ADAM12: variants seen among roughly 807,000 people sequenced by gnomAD.
ADAM12 encodes the protein ADAM metallopeptidase domain 12, also known as disintegrin and metalloproteinase domain-containing protein 12.
A neutral mutation model predicts 106.4 loss-of-function variants in ADAM12; 70 were observed. The observed-to-expected ratio is 0.66, with a 90% CI of 0.54 to 0.80. The LOEUF is 0.80. Among genes scored for constraint, ADAM12 ranks in the 30% least tolerant of loss-of-function variants. The pLI is 0.00. For missense variants in ADAM12, 1,010 were observed against 1,171.9 expected, an observed-to-expected ratio of 0.86 and a Z score of 2.02; for synonymous variants, 420 against 433.5, an observed-to-expected ratio of 0.97 and a Z score of 0.39.
intron 10 of ADAM12, among the ~76,000 whole-genome samples, chr10:126,097,488 GGAGA>G (rs1430647653): frequency 6.6e-6 from 1 of 152,214 alleles, no homozygotes; most frequent in Non-Finnish European, 1.5e-5. Flanking sequence ...GGCAGTAGGT[GGAGA>G]GAAAGTAATC....
At chr10:126,307,514 C>A (rs758533340) in intron 2 of ADAM12, among the ~76,000 whole-genome samples, 1 of 151,914 alleles carries the variant, frequency 6.6e-6, no homozygotes, top group Non-Finnish European at 1.5e-5. Context: ...CAACCACATC[C>A]GACAATTTTT....
rs569342527 is a variant in ADAM12, at chr10:126,232,846, G to A, written c.260+46069C>T. Among the ~76,000 whole-genome samples, 17 of 152,218 alleles carry A rather than the reference G, an allele frequency of 1.1e-4. No individual in the cohort carries two copies. The South Asian group carries it at 3.3e-3, about 30-fold the overall frequency. On this transcript the variant is annotated intron_variant, in intron 3 of 22. Coordinates refer to ENST00000448723, the MANE Select transcript of ADAM12 (RefSeq NM_001288973.2). The stretch of plus-strand genomic sequence containing the variant: ...GTGGTAGGACTAGGGAGGAAGATAA[G>A]GAATATTAAAAATATTTAGAACAGA...
chr10:126,038,952 CTTTTTTTTTTTTTTT>C (rs34277276), intron 19 of ADAM12, among the ~76,000 whole-genome samples: 3 of 71,542 alleles, frequency 4.2e-5, no homozygotes, highest in African/African-American at 1.6e-4. Flanking sequence ...GACACCATTT[CTTTTTTTTTTTTTTT>C]TTTTTTTTTT....
intron 1 of ADAM12, among the ~76,000 whole-genome samples, chr10:126,381,554 G>A (rs377168697): frequency 1.2e-3 from 188 of 152,210 alleles, no homozygotes; most frequent in African/African-American, 4.5e-3. Flanking sequence ...GGAGTACAGT[G>A]GCACGATCTC....
intron 12 of ADAM12, among the ~76,000 whole-genome samples, chr10:126,068,234 A>G (rs1278227109): frequency 6.6e-6 from 1 of 152,224 alleles, no homozygotes; most frequent in South Asian, 2.1e-4. Flanking sequence ...TTTTTAAATC[A>G]GTGTCATCAA....
chr10:126,339,632 T>A (rs575509536), intron 1 of ADAM12, among the ~76,000 whole-genome samples: 1 of 152,104 alleles, frequency 6.6e-6, no homozygotes, highest in African/African-American at 2.4e-5. Flanking sequence ...AGGTTTCTCA[T>A]CAAGAGAACA....
chr10:126,157,298 C>T (rs1956837293), intron 3 of ADAM12, among the ~76,000 whole-genome samples: 1 of 152,210 alleles, frequency 6.6e-6, no homozygotes, highest in African/African-American at 2.4e-5. Context: ...ATGGGGCCTG[C>T]TCCGCCTCTC....
chr10:126,032,638 T>G (rs944592100), intron 21 of ADAM12, among the ~76,000 whole-genome samples: 1 of 152,108 alleles, frequency 6.6e-6, no homozygotes, highest in Non-Finnish European at 1.5e-5. Flanking sequence ...AATAAAAAAG[T>G]TCAGGATGAG....
chr10:126,346,724 T>C (rs1379174812), intron 1 of ADAM12, among the ~76,000 whole-genome samples: 1 of 152,220 alleles, frequency 6.6e-6, no homozygotes. Flanking sequence ...GGTGCATATA[T>C]ATTTAGGATA....
chr10:126,324,294 G>A (rs1444406360), intron 2 of ADAM12, among the ~76,000 whole-genome samples: 1 of 152,240 alleles, frequency 6.6e-6, no homozygotes, highest in Non-Finnish European at 1.5e-5. Flanking sequence ...CTTCAAGAAT[G>A]AGTAGGACTG....
chr10:126,361,264 T>C (rs1564755405), intron 1 of ADAM12, among the ~76,000 whole-genome samples: 2 of 152,152 alleles, frequency 1.3e-5, no homozygotes, highest in African/African-American at 4.8e-5. Context: ...TTGAAAATTA[T>C]AAAATGTTAA....
At chr10:126,381,974 C>CAAA (rs11299278) in intron 1 of ADAM12, among the ~76,000 whole-genome samples, 3 of 139,158 alleles carry the variant, frequency 2.2e-5, no homozygotes, top group Non-Finnish European at 4.7e-5. Context: ...GACCCTGTCT[C>CAAA]AAAAAAAAAA....
intron 3 of ADAM12, among the ~76,000 whole-genome samples, chr10:126,213,056 G>T (rs2133839823): frequency 6.6e-6 from 1 of 152,188 alleles, no homozygotes; most frequent in South Asian, 2.1e-4. Context: ...AGCTCTACAA[G>T]ACTCACATTT....
chr10:126,228,959 G>A (rs1238454952), intron 3 of ADAM12, among the ~76,000 whole-genome samples: 1 of 152,196 alleles, frequency 6.6e-6, no homozygotes, highest in Non-Finnish European at 1.5e-5. Context: ...AGGGTTGTCA[G>A]ACAATATAAA....
In ADAM12 at chr10:126,017,306, T is replaced by C; in HGVS notation, c.2694A>G (p.Arg898=). The C allele has an allele frequency of 6.3e-7, 1 of 1,593,650 alleles. No individual in the cohort carries two copies. Among genetic ancestry groups the C allele is most frequent in the Non-Finnish European group, 8.6e-7 (1 of 1,169,240 alleles). The part of the protein sequence containing the change: ...PAPQYPHQVP[R]STHTAYIK ...ACTTAATATAGGCGGTGTGGGTGGATCTGGGCACTTGGTGTGGATATTGTG... is the reference window on the plus strand; with the variant it reads ...ACTTAATATAGGCGGTGTGGGTGGACCTGGGCACTTGGTGTGGATATTGTG... Residue 898 remains arginine (R), a synonymous_variant, in exon 23 of 23, where the codon AGA becomes AGG. Coordinates refer to ENST00000448723, the MANE Select transcript of ADAM12 (RefSeq NM_001288973.2).
intron 21 of ADAM12, among the ~76,000 whole-genome samples, chr10:126,025,866 A>G (rs1047600510): frequency 2.0e-5 from 3 of 152,230 alleles, no homozygotes; most frequent in Non-Finnish European, 4.4e-5. Flanking sequence ...CAGATTTTCC[A>G]AGGTCAAAAT....
intron 1 of ADAM12, among the ~76,000 whole-genome samples, chr10:126,368,564 A>C (rs1855996750): frequency 6.6e-6 from 1 of 152,102 alleles, no homozygotes; most frequent in Admixed American, 6.6e-5. Flanking sequence ...TGTGGATGTA[A>C]ATAAAATAAC....
At chr10:126,179,751 T>C (rs994167708) in intron 3 of ADAM12, among the ~76,000 whole-genome samples, 9 of 152,116 alleles carry the variant, frequency 5.9e-5, no homozygotes, top group Non-Finnish European at 1.2e-4. Context: ...GTGTGGGTGA[T>C]CAAGAGGTAA....
intron 14 of ADAM12, among the ~76,000 whole-genome samples, chr10:126,052,365 T>C (rs946226276): frequency 9.2e-5 from 14 of 152,138 alleles, no homozygotes; most frequent in African/African-American, 3.1e-4. Context: ...TCCTAGGAAA[T>C]GGGTGGGTGG....
Sources: allele counts gnomAD v4.1 joint callset (sites outside exome capture counted in the v4.1 genomes callset), GRCh38; gene constraint gnomAD v4.1.1; transcripts MANE v1.5; gene names NCBI Gene and HGNC (gene_info 2026-07-23, HGNC 2026-07-21).